Variants in AP2B1 observed in about 807,000 individuals in gnomAD.
AP2B1 encodes adaptor related protein complex 2 subunit beta 1.
AP2B1 carries 23 observed loss-of-function variants against 102.0 expected under a neutral mutation model. That is an observed-to-expected ratio of 0.23 (90% CI 0.16 to 0.32). The LOEUF (loss-of-function observed/expected upper bound fraction) is 0.32. Ranked by LOEUF, AP2B1 falls within the 10% of genes least tolerant of loss-of-function variation. AP2B1 has a pLI of 1.00. For synonymous variants in AP2B1, 381 were observed against 421.2 expected, an observed-to-expected ratio of 0.90 and a Z score of 1.17; for missense variants, 541 against 1,157.4, an observed-to-expected ratio of 0.47 and a Z score of 7.73.
intron 2 of AP2B1, chr17:35,596,806 G>A (rs2073299330): frequency 7.9e-6 from 5 of 632,204 alleles, no homozygotes; most frequent in Non-Finnish European, 1.2e-5. Flanking sequence ...ATGGGCCCCC[G>A]CAGCGCTGCC....
chr17:35,622,364 A>G (rs1415231209), intron 5 of AP2B1, among the ~76,000 whole-genome samples: 1 of 152,194 alleles, frequency 6.6e-6, no homozygotes. Context: ...ACATTTTTGT[A>G]AGTATATTAT....
intron 1 of AP2B1, among the ~76,000 whole-genome samples, chr17:35,590,427 A>G (rs1047659343): frequency 2.6e-5 from 4 of 152,210 alleles, no homozygotes; most frequent in African/African-American, 7.2e-5. Flanking sequence ...CATACAGTTC[A>G]GTGGCATTTA....
intron 3 of AP2B1, among the ~76,000 whole-genome samples, chr17:35,604,786 C>T (rs2073612145): frequency 1.3e-5 from 2 of 152,150 alleles, no homozygotes; most frequent in South Asian, 2.1e-4. Flanking sequence ...TCTTAAGATA[C>T]ACATTAAAAT....
chr17:35,647,996 A>T (rs1338923385), intron 12 of AP2B1, among the ~76,000 whole-genome samples: 1 of 151,176 alleles, frequency 6.6e-6, no homozygotes, highest in African/African-American at 2.4e-5. Context: ...GGTTCAAATG[A>T]TTCTTCTGCC....
intron 3 of AP2B1, among the ~76,000 whole-genome samples, chr17:35,605,091 A>C (rs984240988): frequency 2.0e-5 from 3 of 152,050 alleles, no homozygotes; most frequent in African/African-American, 4.8e-5. Context: ...ATTTTTGTAG[A>C]GAGGATCTCG....
intron 11 of AP2B1, among the ~76,000 whole-genome samples, 192 bp downstream of exon 11, chr17:35,639,952 T>G (rs1030507998): frequency 2.6e-5 from 4 of 152,248 alleles, no homozygotes; most frequent in Non-Finnish European, 5.9e-5. Flanking sequence ...AGTCTCGCTT[T>G]GTTGTCCAGG....
rs1397603965 is a variant in AP2B1 at position 35,650,801 on chromosome 17, TG to T, written c.1796+13del. The T allele has an allele frequency of 6.2e-6, 10 of 1,612,794 alleles. No individual in the cohort carries two copies. Among genetic ancestry groups the T allele is most frequent in the Non-Finnish European group, 8.5e-6 (10 of 1,178,834 alleles). On this transcript the variant is annotated intron_variant, in intron 13 of 21. Transcript: ENST00000610402. ...ATTCATCATGGGAGGTAAGAAGGTG[TG>T]AACTGTCTCTGAGTGAGAAATGACT...
intron 21 of AP2B1, among the ~76,000 whole-genome samples, chr17:35,719,951 T>C (rs1449777577): frequency 2.0e-5 from 3 of 152,202 alleles, no homozygotes; most frequent in Non-Finnish European, 2.9e-5. Flanking sequence ...ATTCAAATCT[T>C]CATGTTTACT....
chr17:35,679,528 C>T (rs1276293270), intron 17 of AP2B1, among the ~76,000 whole-genome samples: 2 of 152,026 alleles, frequency 1.3e-5, no homozygotes, highest in Non-Finnish European at 2.9e-5. Context: ...CCTCTGAACT[C>T]CTTGTGCCTG....
intron 5 of AP2B1, among the ~76,000 whole-genome samples, chr17:35,613,858 G>A (rs2073936841): frequency 6.6e-6 from 1 of 152,120 alleles, no homozygotes; most frequent in Admixed American, 6.5e-5. Context: ...GACTTTATTA[G>A]TTCATTATTT....
intron 20 of AP2B1, among the ~76,000 whole-genome samples, chr17:35,716,710 G>C (rs1335350759): frequency 1.3e-5 from 2 of 152,158 alleles, no homozygotes; most frequent in Non-Finnish European, 2.9e-5. Flanking sequence ...GGCCCGAATG[G>C]CTCACAATGA....
intron 1 of AP2B1, chr17:35,587,687 A>C (rs1459357344): frequency 6.6e-6 from 1 of 152,190 alleles, no homozygotes. Context: ...GGAGGGGAAG[A>C]TGTGTTTCGG....
chr17:35,602,099 A>AT, intron 3 of AP2B1, among the ~76,000 whole-genome samples: 1 of 152,134 alleles, frequency 6.6e-6, no homozygotes, highest in Non-Finnish European at 1.5e-5. Context: ...TTTTTTTTAT[A>AT]TGCTTGCTAT....
chr17:35,639,679 G>T lies in AP2B1; in HGVS notation c.1356G>T (p.Val452=), dbSNP rs1229598584. ...CTCGAGCAGCTATGATTTGGATTGT[G>T]GGAGAATATGCTGAAAGAATTGACA... The part of the protein sequence containing the change: ...PDARAAMIWI[V]GEYAERIDNA... Residue 452 remains valine (V), a synonymous_variant, in exon 11 of 22, where the codon GTG becomes GTT. Transcript: ENST00000610402. 1 of 1,614,014 alleles carries T rather than the reference G, an allele frequency of 6.2e-7. No homozygotes were observed. Among genetic ancestry groups the T allele is most frequent in the African/African-American group, 1.3e-5 (1 of 74,926 alleles).
At chr17:35,653,910 T>C (rs1177031985) in intron 13 of AP2B1, among the ~76,000 whole-genome samples, 2 of 152,168 alleles carry the variant, frequency 1.3e-5, no homozygotes, top group African/African-American at 2.4e-5. Context: ...CTTAACAGAA[T>C]TGAAACCTGC....
chr17:35,710,894 C>T (rs2076433151), intron 20 of AP2B1, among the ~76,000 whole-genome samples: 1 of 152,046 alleles, frequency 6.6e-6, no homozygotes, highest in Admixed American at 6.6e-5. Context: ...ATAGTGAGAC[C>T]CCATCTCTAT....
At chr17:35,721,597 G>A (rs16971439) in intron 21 of AP2B1, among the ~76,000 whole-genome samples, 2,665 of 152,230 alleles carry the variant, frequency 0.018, 51 homozygotes, top group African/African-American at 0.048. Flanking sequence ...AAAGACCAGC[G>A]GTAATGCCCA....
intron 3 of AP2B1, among the ~76,000 whole-genome samples, chr17:35,603,957 C>A (rs950499117): frequency 6.6e-6 from 1 of 152,028 alleles, no homozygotes; most frequent in African/African-American, 2.4e-5. Flanking sequence ...TTACATGCCA[C>A]CAGTGTTTCC....
Position 35,683,811 on chromosome 17 carries a change from T to C in AP2B1, c.2454+987T>C, listed in dbSNP as rs587754850. On this transcript the variant is annotated intron_variant, in intron 18 of 21. Transcript: ENST00000610402. ...TGGGCCACCCAGAAATGGGGAACTG[T>C]AATCGATCCCTGCATAAAGCAGAGA... Among the ~76,000 whole-genome samples, 8 of 152,254 alleles carry C rather than the reference T, an allele frequency of 5.3e-5. No homozygotes were observed. The East Asian group carries it at 1.3e-3, about 26-fold the overall frequency.
Sources: gnomAD v4.1 joint callset for allele counts (sites outside exome capture counted in the v4.1 genomes callset) on GRCh38, gnomAD v4.1.1 for gene constraint, MANE v1.5 for transcripts, NCBI Gene and HGNC (gene_info 2026-07-23, HGNC 2026-07-21) for gene names.